ABCA2: variants seen among roughly 807,000 people sequenced by gnomAD.
The protein encoded by ABCA2 is ATP binding cassette subfamily A member 2, also known as ATP-binding cassette sub-family A member 2.
A neutral mutation model predicts 262.8 loss-of-function variants in ABCA2; 84 were observed. That is an observed-to-expected ratio of 0.32 (90% CI 0.27 to 0.38). ABCA2 has a LOEUF of 0.38. Ranked by LOEUF, ABCA2 falls within the 10% of genes least tolerant of loss-of-function variation. The pLI is 1.00. For missense variants in ABCA2, 2,662 were observed against 3,405.9 expected, an observed-to-expected ratio of 0.78 and a Z score of 5.44; for synonymous variants, 1,696 against 1,502.9, an observed-to-expected ratio of 1.13 and a Z score of -2.97.
intron 1 of ABCA2, among the ~76,000 whole-genome samples, chr9:137,025,375 G>A (rs1223872710): frequency 6.6e-6 from 1 of 152,202 alleles, no homozygotes; most frequent in East Asian, 1.9e-4. Flanking sequence ...GAGGGGCCCT[G>A]CCCTCCCTAG....
chr9:137,014,511 T>A, intron 26 of ABCA2, 107 bp from the exon 27 acceptor site: 1 of 1,446,786 alleles, frequency 6.9e-7, no homozygotes, highest in Non-Finnish European at 9.3e-7. Context: ...CATACACCTG[T>A]CCGGGACCTC....
At chr9:137,012,613 C>T (rs1332276120) in intron 31 of ABCA2, 23 bp from the exon 32 acceptor site, 6 of 1,610,324 alleles carry the variant, frequency 3.7e-6, no homozygotes, top group East Asian at 2.2e-5. Context: ...GTGGGAGGGG[C>T]GGTGAGGCTA....
intron 29 of ABCA2, 45 bp from the exon 30 acceptor site, chr9:137,013,363 C>G: frequency 1.3e-6 from 2 of 1,528,090 alleles, no homozygotes; most frequent in South Asian, 2.4e-5. Flanking sequence ...GTCTCCGCCC[C>G]TCGCCAGCCC....
chr9:137,012,774 G>A lies in ABCA2; in HGVS notation c.5019C>T (p.Asp1673=). ...ACTCAGAGACATTGTGGCCGGTGAT[G>A]TCGGTCAGGATGTCGCCTGTGACCA... ...MRVVTGDILT[D]ITGHNVSEYL... Residue 1673 remains aspartate (D), a synonymous_variant, in exon 31 of 49, where the codon GAC becomes GAT. Coordinates refer to ENST00000341511, the MANE Select transcript of ABCA2 (RefSeq NM_001606.5). 1 of 1,612,704 alleles carries A rather than the reference G, an allele frequency of 6.2e-7. No homozygotes were observed. Among genetic ancestry groups the A allele is most frequent in the Non-Finnish European group, 8.5e-7 (1 of 1,179,920 alleles).
At chr9:137,012,183 G>C in intron 33 of ABCA2, 21 bp from the exon 34 acceptor site, 1 of 1,611,248 alleles carries the variant, frequency 6.2e-7, no homozygotes, top group Non-Finnish European at 8.5e-7. Flanking sequence ...CGGGGCGGGG[G>C]CGGCAGCTTC....
chr9:137,022,174 GTGGCTCAGATGGTGGGGGCA>G (rs1564229935), intron 6 of ABCA2, among the ~76,000 whole-genome samples, 157 bp downstream of exon 6: 3 of 107,656 alleles, frequency 2.8e-5, no homozygotes, highest in Non-Finnish European at 5.8e-5. Flanking sequence ...GTGTGGGGGC[GTGGCTCAGATGGTGGGGGCA>G]TGGCTCAGAG....
intron 9 of ABCA2, 43 bp downstream of exon 9, chr9:137,020,651 C>A (rs1831418855): frequency 1.9e-6 from 3 of 1,593,100 alleles, no homozygotes; most frequent in Middle Eastern, 1.7e-4. Context: ...ACGCCCTGCC[C>A]CTGGCTGTCC....
intron 9 of ABCA2, 32 bp from the exon 10 acceptor site, chr9:137,020,527 C>A (rs544825917): frequency 1.3e-6 from 2 of 1,559,232 alleles, no homozygotes; most frequent in South Asian, 1.2e-5. Flanking sequence ...CGGGCCAGGC[C>A]GTTAGGGGGC....
rs375992232 is a variant in ABCA2 at position 137,014,212 on chromosome 9, G to A, written c.4196C>T (p.Pro1399Leu). The A allele has an allele frequency of 2.5e-5, 41 of 1,609,574 alleles. No individual in the cohort carries two copies. In the African/African-American group the frequency reaches 4.7e-4, roughly 18 times the overall value. Residue 1399 changes from proline to leucine, a missense_variant, in exon 27 of 49, where the codon CCC becomes CTC. Coordinates refer to ENST00000341511, the MANE Select transcript of ABCA2 (RefSeq NM_001606.5). ...GYTDVYGDYRPLFDNPQDPDN... is the reference protein window; with the variant it reads ...GYTDVYGDYRLLFDNPQDPDN... ...TGGGTCCTGTGGGTTATCAAAGAGG[G>A]GGCGGTAGTCGCCATAGACGTCGGT...
At chr9:137,015,211 A>C in intron 24 of ABCA2, 114 bp from the exon 25 acceptor site, 1 of 1,304,600 alleles carries the variant, frequency 7.7e-7, no homozygotes, top group South Asian at 1.5e-5. Context: ...ACCAGGCCCC[A>C]GCAGGTATCC....
At chr9:137,014,128 C>G in intron 27 of ABCA2, 40 bp downstream of exon 27, 2 of 1,594,384 alleles carry the variant, frequency 1.3e-6, no homozygotes, top group Non-Finnish European at 1.7e-6. Context: ...AACCCTGCTC[C>G]CCCTCCCTTG....
chr9:137,028,316 C>A (rs979832167), upstream of ABCA2: 1 of 961,676 alleles, frequency 1.0e-6, no homozygotes, highest in Non-Finnish European at 1.2e-6. This position sits in a 1 kb window ranked among gnomAD's most constrained non-coding sequence, Gnocchi z 6.9. Context: ...CGACTCTGCC[C>A]GCGCCCCGCC....
At position 137,015,033 on chromosome 9, in the gene ABCA2, C is replaced by T. The variant is rs565014949; in HGVS notation, c.3762G>A (p.Val1254=). ...CCACATGCTTGCGGATGAACTGGGA[C>T]ACCTGGAGCTCGGAGCAGCTGCTCA... is the stretch of plus-strand genomic sequence containing the variant. ...APLSSCSELQ[V]SQFIRKHVAS... is the part of the protein sequence containing the mutation. Residue 1254 remains valine, a synonymous_variant, in exon 25 of 49, where the codon GTG becomes GTA. Transcript: ENST00000341511. 48 of 1,607,666 alleles carry T rather than the reference C, an allele frequency of 3.0e-5. No individual in the cohort carries two copies. In the South Asian group the frequency reaches 4.9e-4, roughly 16 times the overall value.
At position 137,018,753 on chromosome 9, in the gene ABCA2, G is replaced by A. The variant is rs749491487; in HGVS notation, c.1785C>T (p.Asn595=). The change falls in exon 13 of 49, where the codon AAC becomes AAT. Residue 595 remains asparagine (N), a synonymous_variant. Coordinates refer to ENST00000341511, the MANE Select transcript of ABCA2 (RefSeq NM_001606.5). Reference sequence around the variant, plus strand: ...CAGTGACGTTGTCCTGGTAGGCCTGGTTGAGGGTGTAGTTGACAATGCTCT... The same window carrying A: ...CAGTGACGTTGTCCTGGTAGGCCTGATTGAGGGTGTAGTTGACAATGCTCT... ...DEESIVNYTL[N]QAYQDNVTVF... 37 of 1,612,282 alleles carry A rather than the reference G, an allele frequency of 2.3e-5. No homozygotes were observed. In the South Asian group the frequency reaches 3.3e-4, roughly 14 times the overall value.
rs754773302 is a variant in ABCA2, at chr9:137,011,691, G to A, written c.5594C>T (p.Pro1865Leu). ...GAAGTTGGTGGGCGACGTGTAGGCC[G>A]GCAGGTCGAACACAAACAGGATGAT... ...CVIILFVFDL[P>L]AYTSPTNFPA... Residue 1865 changes from proline (P) to leucine (L), a missense_variant, in exon 36 of 49, where the codon CCG becomes CTG. Coordinates refer to ENST00000341511, the MANE Select transcript of ABCA2 (RefSeq NM_001606.5). This position sits in a 1 kb window ranked among gnomAD's most constrained non-coding sequence, Gnocchi z 8.8. The A allele has an allele frequency of 1.3e-6, 2 of 1,554,914 alleles. No homozygotes were observed. The highest frequency in any genetic ancestry group is 1.7e-6 in the Non-Finnish European group (2 of 1,149,882).
In ABCA2 at chr9:137,007,921, C is replaced by G. The variant is rs1214470747; in HGVS notation, c.*8G>C. ...GGAGCGTGTCCTCCCTGGCCCAGCTCTGGGTGGTCAGCAGAGCGTGTCCGT... is the reference window on the plus strand; with the variant it reads ...GGAGCGTGTCCTCCCTGGCCCAGCTGTGGGTGGTCAGCAGAGCGTGTCCGT... On this transcript the variant is annotated 3_prime_UTR_variant, in exon 49 of 49. Coordinates refer to ENST00000341511, the MANE Select transcript of ABCA2 (RefSeq NM_001606.5). 3.1e-6 allele frequency: 5 copies of G among 1,605,676 alleles called. No homozygotes were observed. Among genetic ancestry groups the G allele is most frequent in the Non-Finnish European group, 4.2e-6 (5 of 1,179,862 alleles).
upstream of ABCA2, chr9:137,028,333 C>T (rs1421403307): frequency 6.5e-6 from 6 of 918,264 alleles, no homozygotes; most frequent in South Asian, 2.4e-4. The surrounding 1 kb of genome is among the most constrained non-coding windows in gnomAD (Gnocchi z 6.9). Flanking sequence ...CGCCCGCCCC[C>T]GCTTAAAGGC....
At position 137,016,441 on chromosome 9, in the gene ABCA2, G is replaced by C; in HGVS notation, c.2954C>G (p.Thr985Ser). 1 of 1,612,790 alleles carries C rather than the reference G, an allele frequency of 6.2e-7. No homozygotes were observed. Among genetic ancestry groups the C allele is most frequent in the Non-Finnish European group, 8.5e-7 (1 of 1,179,966 alleles). The change falls in exon 21 of 49, where the codon ACC (threonine) becomes AGC (serine). Residue 985 changes from threonine (T) to serine (S), a missense_variant. This residue lies in a region of ABCA2 where 133 missense variants were observed against 150.8 expected (regional missense o/e 0.88). Transcript: ENST00000341511. ...EETRGMEEEP[T>S]HLPLVVCVDK... ...CACGCAGACAACCAGAGGCAGGTGG[G>C]TGGGCTCCTCCTCCATGCCACGGGT...
In ABCA2 at chr9:137,014,383, T is replaced by A. The variant is rs929636821; in HGVS notation, c.4025A>T (p.Asp1342Val). 6.3e-6 allele frequency: 10 copies of A among 1,593,950 alleles called. No homozygotes were observed. Among genetic ancestry groups the A allele is most frequent in the Non-Finnish European group, 6.8e-6 (8 of 1,171,040 alleles). The change falls in exon 27 of 49, where the codon GAT (aspartate) becomes GTT (valine). Residue 1342 changes from aspartate to valine, a missense_variant. Physicochemically the swap from Asp to Val is radical, Grantham distance 152 (BLOSUM62 -3). Around this residue, in one of 12 missense-constraint regions of ABCA2, gnomAD observed 297 missense variants for 286.5 expected, o/e 1.04. Coordinates refer to ENST00000341511, the MANE Select transcript of ABCA2 (RefSeq NM_001606.5). Reference protein sequence around the residue: ...SEADVKESRKDVLPGAEGPAS... With the variant: ...SEADVKESRKVVLPGAEGPAS... The stretch of plus-strand genomic sequence containing the variant: ...CGGGCCCTCCGCCCCAGGGAGCACA[T>A]CCTTCCTGGACTCCTTCACATCTGC...
Sources: gnomAD v4.1 joint callset for allele counts (sites outside exome capture counted in the v4.1 genomes callset) on GRCh38, gnomAD v4.1.1 for gene constraint, gnomAD v4.1.1 regional missense constraint, Gnocchi (gnomAD v3.1) non-coding constraint, MANE v1.5 for transcripts, NCBI Gene and HGNC (gene_info 2026-07-23, HGNC 2026-07-21) for gene names.